The following PRPF3 variants were observed in gnomAD, a reference collection of about 807,000 sequenced individuals.
PRPF3 encodes the protein U4/U6 small nuclear ribonucleoprotein Prp3.
PRPF3 carries 3 observed loss-of-function variants against 89.2 expected under a neutral mutation model. The ratio of observed to expected loss-of-function variants is 0.03; its 90% CI spans 0.02 to 0.09. The LOEUF (loss-of-function observed/expected upper bound fraction) is 0.09. PRPF3 is among the 10% of genes least tolerant of loss of function. The pLI is 1.00. For synonymous variants in PRPF3, 270 were observed against 289.1 expected (o/e 0.93, Z 0.67); for missense variants, 463 against 828.8 (o/e 0.56, Z 5.42).
intron 15 of PRPF3, among the ~76,000 whole-genome samples, chr1:150,351,431 A>G (rs1658912429): frequency 6.6e-6 from 1 of 152,192 alleles, no homozygotes; most frequent in Non-Finnish European, 1.5e-5. Context: ...CATACAAATT[A>G]GATGATAATA....
At chr1:150,347,753 A>G (rs902789298) in intron 14 of PRPF3, among the ~76,000 whole-genome samples, 2 of 151,966 alleles carry the variant, frequency 1.3e-5, no homozygotes, top group African/African-American at 4.8e-5. Flanking sequence ...CATTTAATAC[A>G]TCTGACCTAC....
chr1:150,330,647 G>GC (rs1656250094), intron 4 of PRPF3: 1 of 151,884 alleles, frequency 6.6e-6, no homozygotes, highest in African/African-American at 2.4e-5. Flanking sequence ...GAGCCACCGT[G>GC]CCAGGCCCAA....
rs782406269 is a variant in PRPF3 at position 150,346,032 on chromosome 1, G to A, written c.1655G>A (p.Ser552Asn). The A allele has an allele frequency of 1.9e-6, 3 of 1,614,048 alleles. No individual in the cohort carries two copies. The South Asian group carries it at 3.3e-5, about 18-fold the overall frequency. Residue 552 changes from serine (S) to asparagine (N), a missense_variant, in exon 13 of 16, where the codon AGC becomes AAC. Physicochemically the swap from Ser to Asn is conservative, Grantham distance 46. Coordinates refer to ENST00000324862, the MANE Select transcript of PRPF3 (RefSeq NM_004698.4). ...CCCTTCTCCAGAGTTCGAAATTTGA[G>A]CAACCCAGCCAAGAAGTTCAAGATT... ...HISVYRVRNL[S>N]NPAKKFKIEA...
chr1:150,340,258 G>GTTAAAT, intron 8 of PRPF3, 140 bp from the exon 9 acceptor site: 1 of 673,196 alleles, frequency 1.5e-6, no homozygotes, highest in South Asian at 1.6e-5. Context: ...ATATATTTTA[G>GTTAAAT]GTACCTAAAT....
intron 1 of PRPF3, among the ~76,000 whole-genome samples, chr1:150,323,452 A>G (rs1457042523): frequency 6.6e-6 from 1 of 151,688 alleles, no homozygotes; most frequent in African/African-American, 2.4e-5. Flanking sequence ...CCTGGCCGAT[A>G]TGGTGAAACC....
intron 14 of PRPF3, among the ~76,000 whole-genome samples, chr1:150,348,460 AT>A (rs1185909509): frequency 6.8e-4 from 33 of 48,470 alleles, no homozygotes; most frequent in African/African-American, 2.1e-3. Flanking sequence ...CTACACGTGC[AT>A]TTTTTTTTTT....
chr1:150,339,236 A>T (rs1341070363), intron 8 of PRPF3, among the ~76,000 whole-genome samples: 1 of 151,174 alleles, frequency 6.6e-6, no homozygotes, highest in Non-Finnish European at 1.5e-5. Context: ...GTAGCTGGGC[A>T]TGGTGGCTTG....
intron 14 of PRPF3, 162 bp from the exon 15 acceptor site, chr1:150,348,995 T>G (rs919353415): frequency 1.2e-5 from 8 of 693,878 alleles, no homozygotes; most frequent in African/African-American, 3.6e-5. Flanking sequence ...TACTTGGAGC[T>G]TCAAGTCTAA....
chr1:150,341,791 C>A (rs1220637281), intron 9 of PRPF3, among the ~76,000 whole-genome samples: 2 of 151,440 alleles, frequency 1.3e-5, no homozygotes, highest in Non-Finnish European at 2.9e-5. Flanking sequence ...CAACTTTCAC[C>A]CCCCTGGGTT....
chr1:150,334,000 A>G (rs80215841), intron 6 of PRPF3, among the ~76,000 whole-genome samples: 7,195 of 152,198 alleles, frequency 0.047, 431 homozygotes, highest in African/African-American at 0.13. Flanking sequence ...ATCCACTTTG[A>G]TATTTTTAAT....
At chr1:150,335,859 C>G (rs1306469106) in intron 7 of PRPF3, among the ~76,000 whole-genome samples, 1 of 151,492 alleles carries the variant, frequency 6.6e-6, no homozygotes, top group Non-Finnish European at 1.5e-5. Context: ...ACCTCTGCCT[C>G]CTGGGTTCAA....
chr1:150,345,808 G>A (rs1423175311), intron 12 of PRPF3: 2 of 595,070 alleles, frequency 3.4e-6, no homozygotes, highest in Non-Finnish European at 6.0e-6. Context: ...AATGGTTAAT[G>A]TAAAGTGCTA....
intron 4 of PRPF3, among the ~76,000 whole-genome samples, chr1:150,329,081 G>GT (rs1656044933): frequency 7.0e-6 from 1 of 143,056 alleles, no homozygotes. Context: ...CCATGCTGGA[G>GT]TGTAGTGGCG....
chr1:150,339,414 T>G (rs28560019), intron 8 of PRPF3, among the ~76,000 whole-genome samples: 11,991 of 150,802 alleles, frequency 0.08, 652 homozygotes, highest in Non-Finnish European at 0.12. Flanking sequence ...TGAAGAGCTT[T>G]AAATATATCT....
Position 150,349,295 on chromosome 1 carries a change from A to C in PRPF3, c.1905+77A>C. On this transcript the variant is annotated intron_variant, in intron 15 of 15. Coordinates refer to ENST00000324862, the MANE Select transcript of PRPF3 (RefSeq NM_004698.4). ...TTATACTATTTGAGTGGAGCAATGG[A>C]ATGTAAGATGTAATCAGTGAATAAT... The C allele has an allele frequency of 7.6e-6, 8 of 1,050,172 alleles. 1 individual carries two copies. The South Asian group carries it at 1.0e-4, about 13-fold the overall frequency. 65.1% of individuals were successfully genotyped at this position (1,050,172 alleles called of 1,614,324 possible).
chr1:150,330,725 T>TC (rs1656259876), intron 4 of PRPF3, among the ~76,000 whole-genome samples: 1 of 149,836 alleles, frequency 6.7e-6, no homozygotes, highest in African/African-American at 2.5e-5. Context: ...TTTCTTTCTT[T>TC]TTTTTTTTTG....
At chr1:150,328,225 G>A in intron 3 of PRPF3, 95 bp from the exon 4 acceptor site, 3 of 1,488,038 alleles carry the variant, frequency 2.0e-6, no homozygotes, top group Non-Finnish European at 2.8e-6. Flanking sequence ...TATTCCCCTG[G>A]GAATAGCCAG....
intron 3 of PRPF3, among the ~76,000 whole-genome samples, chr1:150,327,116 G>A (rs1655818257): frequency 6.7e-6 from 1 of 148,690 alleles, no homozygotes; most frequent in Admixed American, 6.8e-5. Flanking sequence ...CGCCCAGGCT[G>A]GAGTACAGTA....
Position 150,325,195 on chromosome 1 carries a change from C to G in PRPF3, c.145+108C>G, listed in dbSNP as rs1655569440. ...TGGGAACATCTAAAAAAATGGCAGG[C>G]CATATTTTATTTTCACCTGTATTAT... On this transcript the variant is annotated intron_variant, in intron 2 of 15. Coordinates refer to ENST00000324862, the MANE Select transcript of PRPF3 (RefSeq NM_004698.4). 3 of 1,347,046 alleles carry G rather than the reference C, an allele frequency of 2.2e-6. No homozygotes were observed. In the East Asian group the frequency reaches 7.2e-5, roughly 32 times the overall value. 83.4% of individuals were successfully genotyped at this position (1,347,046 alleles called of 1,614,324 possible). A position where few individuals can be genotyped will look rare whatever the true frequency, so the allele number is the denominator to read the frequency against.
Sources: gnomAD v4.1 joint callset for allele counts (sites outside exome capture counted in the v4.1 genomes callset) on GRCh38, gnomAD v4.1.1 for gene constraint, MANE v1.5 for transcripts, NCBI Gene and HGNC (gene_info 2026-07-23, HGNC 2026-07-21) for gene names.